The following C12orf42 variants were observed in gnomAD, a reference collection of about 807,000 sequenced individuals.
C12orf42 encodes chromosome 12 open reading frame 42.
C12orf42 carries 25 observed loss-of-function variants against 21.6 expected under a neutral mutation model. The ratio of observed to expected loss-of-function variants is 1.16; its 90% CI spans 0.84 to 1.62. The LOEUF (loss-of-function observed/expected upper bound fraction) is 1.62, where lower values mean the gene tolerates loss of function less well. Among genes scored for constraint, C12orf42 ranks in the 40% most tolerant of loss-of-function variants. C12orf42 has a pLI of 0.00. For missense variants in C12orf42, 483 were observed against 459.3 expected, an observed-to-expected ratio of 1.05 and a Z score of -0.47; for synonymous variants, 174 against 175.0, an observed-to-expected ratio of 0.99 and a Z score of 0.05.
At chr12:103,487,933 T>C (rs1954944939) in intron 1 of C12orf42, among the ~76,000 whole-genome samples, 1 of 152,260 alleles carries the variant, frequency 6.6e-6, no homozygotes, top group African/African-American at 2.4e-5. Context: ...TGTCTTTTAA[T>C]TGGGGTATTT....
the C12orf42 span, among the ~76,000 whole-genome samples, chr12:103,067,665 G>A: frequency 0.016 from 2,475 of 152,244 alleles, 31 homozygotes; most frequent in Non-Finnish European, 0.023. Flanking sequence ...TCAGCATTAA[G>A]TTCCTGTTCC....
intron 4 of C12orf42, among the ~76,000 whole-genome samples, chr12:103,325,721 T>C (rs2136958341): frequency 1.3e-5 from 2 of 152,336 alleles, no homozygotes; most frequent in East Asian, 1.9e-4. Flanking sequence ...TTCTTCACCC[T>C]TCCTTTGCAC....
the C12orf42 span, among the ~76,000 whole-genome samples, chr12:103,114,726 T>A: frequency 6.6e-6 from 1 of 152,136 alleles, no homozygotes; most frequent in Non-Finnish European, 1.5e-5. Flanking sequence ...CCATGACAAA[T>A]CAGAATTAGA....
the C12orf42 span, among the ~76,000 whole-genome samples, chr12:103,227,406 G>A: frequency 6.6e-6 from 1 of 151,812 alleles, no homozygotes; most frequent in East Asian, 1.9e-4. Context: ...AGGTCGGGGT[G>A]TGGAAATAAG....
At chr12:103,392,966 G>A (rs964337445) in intron 3 of C12orf42, among the ~76,000 whole-genome samples, 11 of 152,190 alleles carry the variant, frequency 7.2e-5, no homozygotes, top group African/African-American at 2.7e-4. Context: ...TATCAGATCA[G>A]TTGTGCAGTG....
intron 5 of C12orf42, among the ~76,000 whole-genome samples, chr12:103,303,439 T>A (rs1353132599): frequency 3.9e-5 from 6 of 152,160 alleles, no homozygotes; most frequent in Non-Finnish European, 2.9e-5. Flanking sequence ...AGTAGTGACT[T>A]AAGATAATTT....
chr12:103,293,582 C>T (rs1272129853), intron 4 of C12orf42, among the ~76,000 whole-genome samples: 1 of 152,162 alleles, frequency 6.6e-6, no homozygotes, highest in East Asian at 1.9e-4. Context: ...TTCTACTGCA[C>T]TTACTCACTT....
At chr12:103,337,282 GT>G (rs752290161) in intron 4 of C12orf42, among the ~76,000 whole-genome samples, 3 of 152,220 alleles carry the variant, frequency 2.0e-5, no homozygotes, top group Non-Finnish European at 4.4e-5. Context: ...TCCCACTGGA[GT>G]TCTGGGGACA....
At chr12:103,100,225 C>G in the C12orf42 span, among the ~76,000 whole-genome samples, 5 of 152,196 alleles carry the variant, frequency 3.3e-5, no homozygotes. Flanking sequence ...CTTTGGCGGG[C>G]AATCTTGCCC....
intron 1 of C12orf42, among the ~76,000 whole-genome samples, chr12:103,486,408 C>T (rs1173895959): frequency 1.3e-5 from 2 of 152,128 alleles, no homozygotes; most frequent in Admixed American, 6.5e-5. Flanking sequence ...CATCAATGTC[C>T]ATCAGGGATA....
At chr12:103,165,798 T>C in the C12orf42 span, among the ~76,000 whole-genome samples, 4 of 145,604 alleles carry the variant, frequency 2.7e-5, no homozygotes, top group Admixed American at 6.7e-5. Flanking sequence ...TCCCATCACT[T>C]TGGGAGGCCG....
the C12orf42 span, among the ~76,000 whole-genome samples, chr12:103,050,956 C>T: frequency 1.5e-4 from 23 of 152,060 alleles, no homozygotes; most frequent in South Asian, 2.1e-4. Context: ...CTTTCCTATA[C>T]GACAATCAAC....
chr12:103,201,724 C>T, the C12orf42 span, among the ~76,000 whole-genome samples: 1 of 152,176 alleles, frequency 6.6e-6, no homozygotes, highest in African/African-American at 2.4e-5. Context: ...TCAAGCCTCT[C>T]ATCTCCTTTG....
At chr12:103,191,564 A>G in the C12orf42 span, among the ~76,000 whole-genome samples, 4 of 149,182 alleles carry the variant, frequency 2.7e-5, no homozygotes, top group East Asian at 7.8e-4. Context: ...AAAAAAAAAA[A>G]AAAAAAAAAA....
intron 4 of C12orf42, among the ~76,000 whole-genome samples, chr12:103,337,611 C>T (rs2041812323): frequency 6.6e-6 from 1 of 152,152 alleles, no homozygotes; most frequent in Admixed American, 6.5e-5. Flanking sequence ...CTTGGCCTCC[C>T]AAAGTGCTGG....
chr12:103,142,617 T>C, the C12orf42 span, among the ~76,000 whole-genome samples: 1 of 152,158 alleles, frequency 6.6e-6, no homozygotes. Flanking sequence ...CCCACCTCTT[T>C]GAACTAAACT....
intron 1 of C12orf42, among the ~76,000 whole-genome samples, chr12:103,479,290 C>T (rs1954291539): frequency 1.3e-5 from 2 of 152,046 alleles, no homozygotes; most frequent in African/African-American, 4.8e-5. Flanking sequence ...ATTTGTAGTT[C>T]TGAGGCTTGA....
At chr12:103,149,018 T>G in the C12orf42 span, among the ~76,000 whole-genome samples, 1 of 152,292 alleles carries the variant, frequency 6.6e-6, no homozygotes, top group East Asian at 1.9e-4. Context: ...TTCTTGTTGA[T>G]CCTGAAAATC....
intron 3 of C12orf42, among the ~76,000 whole-genome samples, chr12:103,374,268 G>A (rs904912994): frequency 3.3e-5 from 5 of 152,030 alleles, no homozygotes; most frequent in African/African-American, 1.2e-4. Flanking sequence ...CCCAGTTCTT[G>A]ATCCATATAG....
Sources: gnomAD v4.1 joint callset for allele counts (sites outside exome capture counted in the v4.1 genomes callset) on GRCh38, gnomAD v4.1.1 for gene constraint, MANE v1.5 for transcripts, NCBI Gene and HGNC (gene_info 2026-07-23, HGNC 2026-07-21) for gene names.